The following DMD variants were observed in gnomAD, a reference collection of about 807,000 sequenced individuals.
DMD encodes the protein dystrophin, also known as mutant dystrophin.
DMD carries 63 observed loss-of-function variants against 330.1 expected under a neutral mutation model. The observed-to-expected ratio is 0.19, with a 90% CI of 0.16 to 0.24. The LOEUF (loss-of-function observed/expected upper bound fraction) is 0.24, where lower values mean the gene tolerates loss of function less well. Ranked by LOEUF, DMD falls within the 10% of genes least tolerant of loss-of-function variation. The pLI is 1.00. For synonymous variants in DMD, 1,223 were observed against 959.8 expected, an observed-to-expected ratio of 1.27 and a Z score of -5.07; for missense variants, 3,344 against 2,684.1, an observed-to-expected ratio of 1.25 and a Z score of -5.43.
At chrX:33,203,325 G>A (rs1419201834) in intron 1 of DMD, among the ~76,000 whole-genome samples, 6 of 112,022 alleles carry the variant, frequency 5.4e-5, no homozygotes, top group Non-Finnish European at 1.1e-4. Context: ...TACACTGAAG[G>A]CTCATTTCAT....
chrX:33,164,798 C>G (rs377621680), intron 1 of DMD, among the ~76,000 whole-genome samples: 1 of 111,011 alleles, frequency 9.0e-6, no homozygotes, highest in East Asian at 2.8e-4. Context: ...ATTAGCATGG[C>G]TAATAGATCA....
intron 43 of DMD, among the ~76,000 whole-genome samples, chrX:32,268,286 C>T (rs1049152594): frequency 1.6e-4 from 18 of 111,427 alleles, no homozygotes; most frequent in Non-Finnish European, 1.9e-4. Context: ...CTATCTTTGA[C>T]GCAGAAAAAG....
intron 30 of DMD, among the ~76,000 whole-genome samples, chrX:32,392,321 C>T (rs1300595804): frequency 1.8e-5 from 2 of 111,691 alleles, no homozygotes; most frequent in South Asian, 7.5e-4. Context: ...CGCAATAGCA[C>T]GATCTTGGCT....
intron 30 of DMD, among the ~76,000 whole-genome samples, chrX:32,406,960 A>C: frequency 9.0e-6 from 1 of 111,634 alleles, no homozygotes; most frequent in Non-Finnish European, 1.9e-5. Flanking sequence ...CTTACACCTT[A>C]TACAAAAATT....
chrX:32,861,083 G>A (rs781657722), intron 2 of DMD, among the ~76,000 whole-genome samples: 7 of 111,908 alleles, frequency 6.3e-5, no homozygotes, highest in African/African-American at 2.3e-4. Flanking sequence ...TCTTGGGCAA[G>A]TAACTTCTCC....
intron 63 of DMD, among the ~76,000 whole-genome samples, chrX:31,235,363 C>T (rs1025505601): frequency 1.8e-5 from 2 of 111,650 alleles, no homozygotes; most frequent in African/African-American, 6.5e-5. Flanking sequence ...ATTTCTAAGC[C>T]CACAAAGGCT....
At chrX:32,205,037 A>C (rs938744284) in intron 44 of DMD, among the ~76,000 whole-genome samples, 7 of 87,344 alleles carry the variant, frequency 8.0e-5, no homozygotes, top group African/African-American at 3.1e-4. Flanking sequence ...ACACACACAC[A>C]CACACCCACA....
At chrX:32,801,790 G>A (rs755252696) in intron 7 of DMD, among the ~76,000 whole-genome samples, 229 of 111,212 alleles carry the variant, frequency 2.1e-3, no homozygotes, top group African/African-American at 6.6e-3. Context: ...GCTTGTTTTT[G>A]GCAGGTTTGT....
chrX:33,214,711 C>T (rs993132586), upstream of DMD, among the ~76,000 whole-genome samples: 9 of 111,882 alleles, frequency 8.0e-5, no homozygotes, highest in African/African-American at 2.3e-4. Flanking sequence ...TGGAGTGTAG[C>T]GACACAATCA....
At chrX:33,172,682 T>A (rs367570251) in intron 1 of DMD, among the ~76,000 whole-genome samples, 2 of 112,028 alleles carry the variant, frequency 1.8e-5, no homozygotes, top group Admixed American at 1.9e-4. Flanking sequence ...TCAAGTAAGA[T>A]CTTATCCTGC....
At chrX:31,936,825 G>A (rs1182218280) in intron 45 of DMD, among the ~76,000 whole-genome samples, 1 of 110,940 alleles carries the variant, frequency 9.0e-6, no homozygotes, top group East Asian at 2.8e-4. Flanking sequence ...ATATAGTGTT[G>A]TTTCTAACCT....
At chrX:31,682,771 G>C (rs755511743) in intron 52 of DMD, among the ~76,000 whole-genome samples, 59 of 112,101 alleles carry the variant, frequency 5.3e-4, no homozygotes, top group Middle Eastern at 4.6e-3. Flanking sequence ...TTTTTAGAAT[G>C]CCTAGTGGTT....
At chrX:33,007,924 A>AT (rs1024378425) in intron 2 of DMD, among the ~76,000 whole-genome samples, 5 of 110,482 alleles carry the variant, frequency 4.5e-5, no homozygotes, top group East Asian at 2.9e-4. Flanking sequence ...GATCGAAGAC[A>AT]TTTTTTTTTC....
At chrX:32,336,489 G>T (rs1467122619) in intron 41 of DMD, among the ~76,000 whole-genome samples, 1 of 111,615 alleles carries the variant, frequency 9.0e-6, no homozygotes, top group Non-Finnish European at 1.9e-5. Context: ...ATACAATATT[G>T]TAACCCTCTT....
At chrX:33,009,428 G>GTGTA (rs1224423452) in intron 2 of DMD, among the ~76,000 whole-genome samples, 1 of 28,710 alleles carries the variant, frequency 3.5e-5, no homozygotes, top group Admixed American at 2.7e-4. Context: ...GTGTGTATAT[G>GTGTA]TATGTGTATA....
At chrX:32,219,497 G>A (rs1395478950) in intron 43 of DMD, among the ~76,000 whole-genome samples, 1 of 111,077 alleles carries the variant, frequency 9.0e-6, no homozygotes, top group Non-Finnish European at 1.9e-5. Flanking sequence ...TTTTCATATT[G>A]AGAGTCAGAA....
chrX:31,277,634 A>G (rs1424094143), intron 62 of DMD, among the ~76,000 whole-genome samples: 1 of 111,329 alleles, frequency 9.0e-6, no homozygotes, highest in Non-Finnish European at 1.9e-5. Flanking sequence ...CAGGAACATG[A>G]TGCCGAGGTA....
intron 1 of DMD, among the ~76,000 whole-genome samples, chrX:33,099,687 C>T (rs1399781907): frequency 3.6e-5 from 4 of 111,871 alleles, no homozygotes; most frequent in Non-Finnish European, 7.5e-5. Context: ...GAATAGTTCT[C>T]ATTTCATGTC....
chrX:31,272,475 A>G (rs1444077113), intron 62 of DMD, among the ~76,000 whole-genome samples: 2 of 112,161 alleles, frequency 1.8e-5, no homozygotes, highest in Non-Finnish European at 3.8e-5. Flanking sequence ...GCCTTTCCCC[A>G]CCGATTGTGC....
Sources: allele counts gnomAD v4.1 joint callset (sites outside exome capture counted in the v4.1 genomes callset), GRCh38; gene constraint gnomAD v4.1.1; transcripts MANE v1.5; gene names NCBI Gene and HGNC (gene_info 2026-07-23, HGNC 2026-07-21).